SHISA9: variants seen among roughly 807,000 people sequenced by gnomAD.
SHISA9 encodes the protein shisa family member 9, also known as protein shisa-9.
A neutral mutation model predicts 38.0 loss-of-function variants in SHISA9; 13 were observed. That is an observed-to-expected ratio of 0.34 (90% CI 0.22 to 0.54). The LOEUF is 0.54. Among genes scored for constraint, SHISA9 ranks in the 20% least tolerant of loss-of-function variants. SHISA9 has a pLI of 0.91. For missense variants in SHISA9, 538 were observed against 575.8 expected, an observed-to-expected ratio of 0.93 and a Z score of 0.67; for synonymous variants, 275 against 242.0, an observed-to-expected ratio of 1.14 and a Z score of -1.27.
At chr16:13,038,184 T>A (rs1283559263) in intron 2 of SHISA9, among the ~76,000 whole-genome samples, 1 of 152,180 alleles carries the variant, frequency 6.6e-6, no homozygotes, top group Non-Finnish European at 1.5e-5. Context: ...GAGACAGGGT[T>A]TCACCATGTT....
the SHISA9 span, among the ~76,000 whole-genome samples, chr16:13,396,102 A>G: frequency 6.6e-6 from 1 of 152,250 alleles, no homozygotes. Context: ...AGAAGCGTTT[A>G]TAAGATGTGA....
intron 2 of SHISA9, among the ~76,000 whole-genome samples, chr16:13,168,167 C>T (rs886926820): frequency 3.3e-5 from 5 of 152,196 alleles, no homozygotes; most frequent in African/African-American, 7.2e-5. Context: ...AAAGCCCACA[C>T]CCCCAACCAC....
the SHISA9 span, among the ~76,000 whole-genome samples, chr16:13,433,248 A>G: frequency 1.3e-5 from 2 of 152,212 alleles, no homozygotes; most frequent in African/African-American, 4.8e-5. Flanking sequence ...CTCCAATTAA[A>G]CTTCAGATCC....
chr16:13,317,527 G>A, the SHISA9 span, among the ~76,000 whole-genome samples: 4 of 152,078 alleles, frequency 2.6e-5, no homozygotes, highest in African/African-American at 9.7e-5. Context: ...ATGTATACAT[G>A]TGCCATGCTT....
intron 2 of SHISA9, among the ~76,000 whole-genome samples, chr16:13,090,152 C>T (rs572922429): frequency 6.6e-6 from 1 of 152,324 alleles, no homozygotes; most frequent in Middle Eastern, 3.4e-3. Flanking sequence ...TTTGATTGCA[C>T]TGTGGTCTGA....
intron 2 of SHISA9, among the ~76,000 whole-genome samples, chr16:12,973,665 G>C (rs1288113137): frequency 6.6e-6 from 1 of 152,040 alleles, no homozygotes; most frequent in Non-Finnish European, 1.5e-5. Context: ...GTAACACATT[G>C]AACTTTTCCA....
chr16:13,334,573 G>A, the SHISA9 span, among the ~76,000 whole-genome samples: 1 of 151,978 alleles, frequency 6.6e-6, no homozygotes, highest in Non-Finnish European at 1.5e-5. Context: ...AGGAGATCGA[G>A]GCCATCCTGG....
chr16:12,960,683 A>C (rs1465549504), intron 2 of SHISA9, among the ~76,000 whole-genome samples: 1 of 152,194 alleles, frequency 6.6e-6, no homozygotes, highest in Non-Finnish European at 1.5e-5. Flanking sequence ...ACCGCACATC[A>C]TGTGTTCTCA....
intron 2 of SHISA9, among the ~76,000 whole-genome samples, chr16:13,034,675 T>C (rs971757820): frequency 6.6e-6 from 1 of 152,226 alleles, no homozygotes; most frequent in Admixed American, 6.5e-5. Flanking sequence ...TTGAATTTGG[T>C]CTAGCCTTGT....
chr16:13,352,255 A>G, the SHISA9 span, among the ~76,000 whole-genome samples: 17 of 152,224 alleles, frequency 1.1e-4, no homozygotes, highest in African/African-American at 4.1e-4. Flanking sequence ...CTTTGACTTC[A>G]TAAAATCTGG....
the SHISA9 span, among the ~76,000 whole-genome samples, chr16:13,358,213 G>T: frequency 9.8e-5 from 15 of 152,290 alleles, no homozygotes; most frequent in Non-Finnish European, 1.9e-4. Context: ...GAAGGATTCT[G>T]AAATCAATGG....
At chr16:13,221,047 T>C (rs1207774420) in intron 4 of SHISA9, among the ~76,000 whole-genome samples, 1 of 136,166 alleles carries the variant, frequency 7.3e-6, no homozygotes, top group African/African-American at 2.8e-5. Flanking sequence ...AAAAAAAAAA[T>C]CACAGTACCA....
chr16:13,087,447 G>A (rs2073725904), intron 2 of SHISA9, among the ~76,000 whole-genome samples: 1 of 152,272 alleles, frequency 6.6e-6, no homozygotes, highest in South Asian at 2.1e-4. Flanking sequence ...CACCAGCAGT[G>A]TAAAAGCATT....
At chr16:13,380,029 A>G in the SHISA9 span, among the ~76,000 whole-genome samples, 1 of 152,150 alleles carries the variant, frequency 6.6e-6, no homozygotes, top group African/African-American at 2.4e-5. Context: ...TAAGCATAAG[A>G]GTTGGAAGAT....
At chr16:13,497,083 A>G in the SHISA9 span, among the ~76,000 whole-genome samples, 1 of 152,200 alleles carries the variant, frequency 6.6e-6, no homozygotes, top group African/African-American at 2.4e-5. Context: ...AAACAGGGCA[A>G]GTAAAAGGAA....
At chr16:13,293,621 T>C in the SHISA9 span, among the ~76,000 whole-genome samples, 5 of 152,214 alleles carry the variant, frequency 3.3e-5, no homozygotes, top group East Asian at 1.9e-4. Context: ...AGTGTTATTA[T>C]TGGCAATGTT....
intron 2 of SHISA9, among the ~76,000 whole-genome samples, chr16:13,068,309 T>C (rs2073458374): frequency 1.3e-5 from 2 of 152,260 alleles, no homozygotes; most frequent in South Asian, 4.1e-4. Context: ...GTAGTCATTC[T>C]TGTGTGGCTG....
chr16:13,194,727 A>G (rs1276323175), intron 2 of SHISA9, among the ~76,000 whole-genome samples: 6 of 152,222 alleles, frequency 3.9e-5, no homozygotes, highest in Non-Finnish European at 8.8e-5. Flanking sequence ...GGAAGACAAG[A>G]AGAGAAAAAC....
chr16:13,064,386 A>AG (rs2073410076), intron 2 of SHISA9, among the ~76,000 whole-genome samples: 3 of 152,198 alleles, frequency 2.0e-5, no homozygotes, highest in African/African-American at 7.2e-5. Flanking sequence ...GAAAGAATAG[A>AG]ACACATGAGA....
Sources: allele counts gnomAD v4.1 joint callset (sites outside exome capture counted in the v4.1 genomes callset), GRCh38; gene constraint gnomAD v4.1.1; transcripts MANE v1.5; gene names NCBI Gene and HGNC (gene_info 2026-07-23, HGNC 2026-07-21).